DDX1: variants seen among roughly 807,000 people sequenced by gnomAD.
DDX1 encodes the protein ATP-dependent RNA helicase DDX1.
In DDX1, 28 loss-of-function variants were observed where a neutral mutation model predicts 108.7. The observed-to-expected ratio is 0.26, with a 90% CI of 0.19 to 0.35. The LOEUF (loss-of-function observed/expected upper bound fraction) is 0.35. Among genes scored for constraint, DDX1 ranks in the 10% least tolerant of loss-of-function variants. The probability of loss-of-function intolerance (pLI) is 1.00; values close to 1 mark genes in which losing one functional copy is unlikely to be tolerated. For synonymous variants in DDX1, 295 were observed against 288.9 expected (o/e 1.02, Z -0.21); for missense variants, 710 against 884.5 (o/e 0.80, Z 2.50).
chr2:15,599,587 A>G, intron 5 of DDX1, 82 bp from the exon 6 acceptor site: 1 of 1,036,980 alleles, frequency 9.6e-7, no homozygotes, highest in Non-Finnish European at 1.4e-6. Flanking sequence ...TGCTGAGATT[A>G]CAGTCGTGAG....
chr2:15,629,898 C>A, intron 24 of DDX1, 92 bp from the exon 25 acceptor site: 1 of 1,263,656 alleles, frequency 7.9e-7, no homozygotes, highest in Non-Finnish European at 1.1e-6. Flanking sequence ...TTATACCAAG[C>A]ATTCTGGCCT....
At chr2:15,608,330 C>T (rs1192158493) in intron 13 of DDX1, among the ~76,000 whole-genome samples, 1 of 152,088 alleles carries the variant, frequency 6.6e-6, no homozygotes, top group African/African-American at 2.4e-5. Context: ...GAGTTCAAGA[C>T]CAGCCCAGCC....
At chr2:15,618,339 AG>A in intron 16 of DDX1, 69 bp downstream of exon 16, 3 of 818,284 alleles carry the variant, frequency 3.7e-6, no homozygotes, top group South Asian at 3.6e-5. Flanking sequence ...ACGGGATCCC[AG>A]GGGGTGTTGC....
intron 13 of DDX1, among the ~76,000 whole-genome samples, chr2:15,613,020 TG>T (rs1665804592): frequency 1.5e-5 from 2 of 131,120 alleles, no homozygotes; most frequent in African/African-American, 5.8e-5. Context: ...AGGGAGACCG[TG>T]GGGAGAGGGA....
intron 1 of DDX1, among the ~76,000 whole-genome samples, chr2:15,593,495 C>T (rs1278417318): frequency 2.5e-4 from 38 of 152,100 alleles, no homozygotes; most frequent in Non-Finnish European, 7.4e-5. Context: ...ACTTAAGGTC[C>T]GCTTTCAAAG....
chr2:15,591,977 T>C, intron 1 of DDX1, 28 bp downstream of exon 1: 1 of 1,399,160 alleles, frequency 7.1e-7, no homozygotes, highest in Non-Finnish European at 9.3e-7. Flanking sequence ...CTGGGGGTGG[T>C]GGGGCGGCTT....
intron 6 of DDX1, among the ~76,000 whole-genome samples, chr2:15,601,879 C>A (rs1258367223): frequency 2.0e-5 from 3 of 152,148 alleles, no homozygotes; most frequent in African/African-American, 7.2e-5. Context: ...AAAGCTGAAT[C>A]TTTACTTAAA....
rs541422578 is a variant in DDX1, at chr2:15,611,667, G to A, written c.957-1557G>A. Reference sequence around the variant, plus strand: ...CAGAGGCACCCCCCACCTCCCGGACGGGGCGGCTGGCCGGGCGGGGGGCTG... The same window carrying A: ...CAGAGGCACCCCCCACCTCCCGGACAGGGCGGCTGGCCGGGCGGGGGGCTG... On this transcript the variant is annotated intron_variant, in intron 13 of 25. Transcript: ENST00000233084. Among the ~76,000 whole-genome samples the A allele has an allele frequency of 3.6e-3, 426 of 116,792 alleles. 29 individuals carry two copies. Among genetic ancestry groups the A allele is most frequent in the Non-Finnish European group, 5.7e-3 (340 of 59,530 alleles). 76.6% of individuals were successfully genotyped at this position (116,792 alleles called of 152,430 possible). A position where few individuals can be genotyped will look rare whatever the true frequency, so the allele number is the denominator to read the frequency against.
At chr2:15,596,890 C>T (rs1573035745) in intron 4 of DDX1, 127 bp downstream of exon 4, 1 of 708,020 alleles carries the variant, frequency 1.4e-6, no homozygotes, top group Non-Finnish European at 2.4e-6. Context: ...TAATTACTTG[C>T]TACTGAAAAT....
Position 15,591,954 on chromosome 2 carries a change from G to A in DDX1, c.16+5G>A. ...TGAAGATGGCGGCCTTCTCCGGTGC[G>A]TTTGTGGAAACTCTGGGGGTGGTGG... On this transcript the variant is annotated splice_donor_5th_base_variant and intron_variant, in intron 1 of 25. Coordinates refer to ENST00000233084, the MANE Select transcript of DDX1 (RefSeq NM_004939.3). 7.0e-7 allele frequency: 1 copy of A among 1,429,356 alleles called. No individual in the cohort carries two copies. The highest frequency in any genetic ancestry group is 1.5e-5 in the South Asian group (1 of 67,468). 88.5% of individuals were successfully genotyped at this position (1,429,356 alleles called of 1,614,324 possible).
At chr2:15,618,359 C>A in intron 16 of DDX1, 89 bp downstream of exon 16, 1 of 710,798 alleles carries the variant, frequency 1.4e-6, no homozygotes, top group Non-Finnish European at 2.5e-6. Flanking sequence ...GCTTTTCTGG[C>A]TGGAAACCTC....
At position 15,620,229 on chromosome 2, in the gene DDX1, T is replaced by G; in HGVS notation, c.1228T>G (p.Leu410Val). 1 of 1,613,846 alleles carries G rather than the reference T, an allele frequency of 6.2e-7. No homozygotes were observed. ...RLQVIVCSAT[L>V]HSFDVKKLSE... is the part of the protein sequence containing the mutation. ...TTAGGTGATTGTTTGCTCTGCCACT[T>G]TGCATTCTTTCGATGTAAAGAAACT... The change falls in exon 17 of 26, where the codon TTG (leucine) becomes GTG (valine). Residue 410 changes from leucine (L) to valine (V), a missense_variant. By Grantham distance (32) the Leu-to-Val change is conservative. Around this residue, in one of 3 missense-constraint regions of DDX1, gnomAD observed 661 missense variants for 810.2 expected, o/e 0.82. Coordinates refer to ENST00000233084, the MANE Select transcript of DDX1 (RefSeq NM_004939.3).
At chr2:15,595,410 T>A in intron 2 of DDX1, 80 bp from the exon 3 acceptor site, 2 of 1,212,948 alleles carry the variant, frequency 1.6e-6, no homozygotes, top group Non-Finnish European at 2.4e-6. Context: ...AATTTTCTTT[T>A]AGGCAAATTA....
chr2:15,628,668 A>C lies in DDX1; in HGVS notation c.1790A>C (p.Gln597Pro). The change falls in exon 22 of 26, where the codon CAA (glutamine) becomes CCA (proline). Residue 597 changes from glutamine to proline, a missense_variant. Around this residue, in one of 3 missense-constraint regions of DDX1, gnomAD observed 661 missense variants for 810.2 expected, o/e 0.82. Coordinates refer to ENST00000233084, the MANE Select transcript of DDX1 (RefSeq NM_004939.3). ...AATGTCACTCTGCCCGATGAAAAGC[A>C]AAACTACGTACATCGAATTGGCAGA... The part of the protein sequence containing the change: ...VINVTLPDEK[Q>P]NYVHRIGRVG... 6.2e-7 allele frequency: 1 copy of C among 1,613,226 alleles called. No homozygotes were observed.
In DDX1 at chr2:15,606,137, T is replaced by C. The variant is rs376501617; in HGVS notation, c.703-13T>C. 6.2e-6 allele frequency: 10 copies of C among 1,602,554 alleles called. No homozygotes were observed. Among genetic ancestry groups the C allele is most frequent in the Non-Finnish European group, 7.7e-6 (9 of 1,170,864 alleles). On this transcript the variant is annotated splice_polypyrimidine_tract_variant and intron_variant, in intron 11 of 25. Transcript: ENST00000233084. ...GGGTAGGAATTTTAATTTTCTGTTT[T>C]ATTCAATGCTAGAATGCTGAACTGA...
chr2:15,604,356 C>T (rs1344817393), intron 9 of DDX1, 81 bp from the exon 10 acceptor site: 2 of 891,476 alleles, frequency 2.2e-6, no homozygotes, highest in Non-Finnish European at 3.6e-6. Flanking sequence ...TTTTGAAACA[C>T]ATACTTTTGA....
At position 15,628,682 on chromosome 2, in the gene DDX1, C is replaced by G. The variant is rs1385040010; in HGVS notation, c.1804C>G (p.Arg602Gly). Residue 602 changes from arginine (R) to glycine (G), a missense_variant, in exon 22 of 26, where the codon CGA becomes GGA. Transcript: ENST00000233084. ...LPDEKQNYVH[R>G]IGRVGRAERM... ...CGATGAAAAGCAAAACTACGTACAT[C>G]GAATTGGCAGAGTAGGAAGAGCTGA... 1.9e-6 allele frequency: 3 copies of G among 1,613,234 alleles called. No individual in the cohort carries two copies. The highest frequency in any genetic ancestry group is 2.5e-6 in the Non-Finnish European group (3 of 1,179,548).
At chr2:15,617,780 A>G (rs1465204152) in intron 15 of DDX1, among the ~76,000 whole-genome samples, 1 of 152,208 alleles carries the variant, frequency 6.6e-6, no homozygotes, top group Non-Finnish European at 1.5e-5. Flanking sequence ...ATCTGGAAGG[A>G]CATAAATGTG....
At chr2:15,627,361 C>T in intron 20 of DDX1, 1 of 332,908 alleles carries the variant, frequency 3.0e-6, no homozygotes, top group Non-Finnish European at 5.5e-6. Context: ...ACTACTATAA[C>T]AGGAATTTTC....
Sources: allele counts gnomAD v4.1 joint callset (sites outside exome capture counted in the v4.1 genomes callset), GRCh38; gene constraint gnomAD v4.1.1; regional missense constraint gnomAD v4.1.1; transcripts MANE v1.5; gene names NCBI Gene and HGNC (gene_info 2026-07-23, HGNC 2026-07-21).